The following RPL5 variants were observed in gnomAD, a reference collection of about 807,000 sequenced individuals.
RPL5 encodes ribosomal protein L5.
RPL5 carries 1 observed loss-of-function variant against 38.4 expected under a neutral mutation model. The observed-to-expected ratio is 0.03, with a 90% CI of 0.01 to 0.12. The LOEUF is 0.12. Among genes scored for constraint, RPL5 ranks in the 10% least tolerant of loss-of-function variants. RPL5 has a pLI of 1.00. For synonymous variants in RPL5, 109 were observed against 121.2 expected, an observed-to-expected ratio of 0.90 and a Z score of 0.66; for missense variants, 243 against 374.1, an observed-to-expected ratio of 0.65 and a Z score of 2.89.
rs1687118826 is a variant in RPL5, at chr1:92,836,218, T to C, written c.353T>C (p.Ile118Thr). 6.2e-7 allele frequency: 1 copy of C among 1,612,880 alleles called. No individual in the cohort carries two copies. The highest frequency in any genetic ancestry group is 1.3e-5 in the African/African-American group (1 of 75,026). The change falls in exon 5 of 8, where the codon ATC becomes ACC. Residue 118 changes from isoleucine to threonine, a missense_variant. By Grantham distance (89) the Ile-to-Thr change is moderately conservative. Coordinates refer to ENST00000370321, the MANE Select transcript of RPL5 (RefSeq NM_000969.5). The stretch of plus-strand genomic sequence containing the variant: ...CTCAATAGGTTTGGCATGGACAAGA[T>C]CTATGAAGGCCAAGTGGAGGTGACT... ...RLLNRFGMDK[I>T]YEGQVEVTGD...
chr1:92,832,146 T>C (rs1333553165), intron 1 of RPL5, 29 bp downstream of exon 1: 3 of 1,613,774 alleles, frequency 1.9e-6, no homozygotes, highest in Non-Finnish European at 2.5e-6. Flanking sequence ...CTCGGGGCTT[T>C]AGATGCATGG....
intron 4 of RPL5, 66 bp from the exon 5 acceptor site, chr1:92,836,123 TA>T: frequency 7.0e-7 from 1 of 1,432,438 alleles, no homozygotes; most frequent in South Asian, 1.2e-5. Context: ...GGTTATGACA[TA>T]AGCTATTTTA....
chr1:92,832,058 C>A lies in RPL5; in HGVS notation c.-57C>A. ...CTGTGGCCCTTTTCCCACCCCCTAG[C>A]GCCGCTGGGCCTGCAGGTCTCTGTC... On this transcript the variant is annotated 5_prime_UTR_variant, in exon 1 of 8. Coordinates refer to ENST00000370321, the MANE Select transcript of RPL5 (RefSeq NM_000969.5). The A allele has an allele frequency of 6.2e-7, 1 of 1,611,788 alleles. No homozygotes were observed. Among genetic ancestry groups the A allele is most frequent in the Admixed American group, 1.7e-5 (1 of 59,702 alleles).
chr1:92,836,150 G>A, intron 4 of RPL5, 40 bp from the exon 5 acceptor site: 1 of 1,561,722 alleles, frequency 6.4e-7, no homozygotes, highest in Non-Finnish European at 8.8e-7. Flanking sequence ...AGAGCAGTTT[G>A]AATAATTGAA....
intron 5 of RPL5, 25 bp downstream of exon 5, chr1:92,836,417 G>A: frequency 6.2e-7 from 1 of 1,602,798 alleles, no homozygotes; most frequent in East Asian, 2.2e-5. Context: ...TAAGACCTTG[G>A]TGCCTGGACC....
In RPL5 at chr1:92,833,618, C is replaced by T. The variant is rs1571024367; in HGVS notation, c.147C>T (p.Tyr49=). 2 of 1,612,352 alleles carry T rather than the reference C, an allele frequency of 1.2e-6. No individual in the cohort carries two copies. The highest frequency in any genetic ancestry group is 2.2e-5 in the East Asian group (1 of 44,878). Residue 49 remains tyrosine, a synonymous_variant, in exon 3 of 8, where the codon TAC becomes TAT. Transcript: ENST00000370321. ...AAAATAAATACAACACACCCAAATA[C>T]AGGATGATAGTTCGTGTGACAAACA... ...QDKNKYNTPK[Y]RMIVRVTNRD...
At chr1:92,837,886 GC>G (rs1687189531) in intron 6 of RPL5, 5 of 508,604 alleles carry the variant, frequency 9.8e-6, no homozygotes, top group East Asian at 7.2e-5. Context: ...GTTGTAATCT[GC>G]TTTGTTGGAT....
At chr1:92,832,984 C>T (rs752021416) in intron 1 of RPL5, 10 of 731,626 alleles carry the variant, frequency 1.4e-5, no homozygotes, top group Non-Finnish European at 1.8e-5. Context: ...TCACTGATTG[C>T]TGTCTGGAGC....
At chr1:92,836,704 A>G (rs1687145036) in intron 5 of RPL5, 2 of 297,492 alleles carry the variant, frequency 6.7e-6, no homozygotes, top group South Asian at 8.1e-5. Context: ...CTCTTTCCCC[A>G]TGCACTTTCT....
chr1:92,833,715 G>GCTTCC, intron 3 of RPL5, 55 bp downstream of exon 3: 1 of 1,401,584 alleles, frequency 7.1e-7, no homozygotes, highest in Non-Finnish European at 1.0e-6. Flanking sequence ...ATTGTGCTTG[G>GCTTCC]GAAGCAAAGC....
Position 92,833,375 on chromosome 1 carries a change from C to T in RPL5, c.4-14C>T, listed in dbSNP as rs1558283784. 6.3e-7 allele frequency: 1 copy of T among 1,597,408 alleles called. No homozygotes were observed. The highest frequency in any genetic ancestry group is 1.7e-5 in the Admixed American group (1 of 59,972). ...AAGACATCAAAGTTTTAATAACATT[C>T]TTTTTTCTTTAAGGGGTTTGTTAAA... On this transcript the variant is annotated splice_polypyrimidine_tract_variant and intron_variant, in intron 1 of 7. Coordinates refer to ENST00000370321, the MANE Select transcript of RPL5 (RefSeq NM_000969.5).
chr1:92,837,715 CTTATA>C (rs1687183728), intron 6 of RPL5, 82 bp downstream of exon 6: 18 of 1,108,456 alleles, frequency 1.6e-5, no homozygotes, highest in Non-Finnish European at 2.3e-5. Context: ...AGGTAACATT[CTTATA>C]TAGGTGTGTT....
In RPL5 at chr1:92,832,959, A is replaced by G. The variant is rs112010150; in HGVS notation, c.4-430A>G. Reference sequence around the variant, plus strand: ...AGTGGGACATAGCGTGTTCCGAACAAACCGACGTTTGGCATCACTGATTGC... The same window carrying G: ...AGTGGGACATAGCGTGTTCCGAACAGACCGACGTTTGGCATCACTGATTGC... On this transcript the variant is annotated intron_variant, in intron 1 of 7. Transcript: ENST00000370321. 4,942 of 718,396 alleles carry G rather than the reference A, an allele frequency of 6.9e-3. 167 individuals carry two copies. In the African/African-American group the frequency reaches 0.073, roughly 11 times the overall value. 44.5% of individuals were successfully genotyped at this position (718,396 alleles called of 1,614,324 possible).
At chr1:92,833,792 T>TCCTC (rs1687010467) in intron 3 of RPL5, 132 bp downstream of exon 3, 1 of 729,438 alleles carries the variant, frequency 1.4e-6, no homozygotes, top group African/African-American at 1.8e-5. Flanking sequence ...ATTTTTCCTT[T>TCCTC]TAGTAGGTCT....
rs368663464 is a variant in RPL5 at position 92,832,053 on chromosome 1, C to T, written c.-62C>T. 73 of 1,610,716 alleles carry T rather than the reference C, an allele frequency of 4.5e-5. No individual in the cohort carries two copies. Among genetic ancestry groups the T allele is most frequent in the South Asian group, 1.2e-4 (11 of 90,462 alleles). ...AAGGGCTGTGGCCCTTTTCCCACCCCCTAGCGCCGCTGGGCCTGCAGGTCT... is the reference window on the plus strand; with the variant it reads ...AAGGGCTGTGGCCCTTTTCCCACCCTCTAGCGCCGCTGGGCCTGCAGGTCT... On this transcript the variant is annotated 5_prime_UTR_variant, in exon 1 of 8. Transcript: ENST00000370321.
intron 1 of RPL5, among the ~76,000 whole-genome samples, chr1:92,832,519 C>A (rs1455918674): frequency 6.6e-6 from 1 of 152,210 alleles, no homozygotes; most frequent in Non-Finnish European, 1.5e-5. Context: ...CACTCGACCT[C>A]CGAGTACCGA....
In RPL5 at chr1:92,838,340, T is replaced by C. The variant is rs1687205365; in HGVS notation, c.705+707T>C. On this transcript the variant is annotated intron_variant, in intron 6 of 7. Coordinates refer to ENST00000370321, the MANE Select transcript of RPL5 (RefSeq NM_000969.5). ...AGGTGCATGTTAATTTTTACTGCGTTATATTTCTTTGTTACTTATGACTTC... is the reference window on the plus strand; with the variant it reads ...AGGTGCATGTTAATTTTTACTGCGTCATATTTCTTTGTTACTTATGACTTC... Among the ~76,000 whole-genome samples, 3 of 152,250 alleles carry C rather than the reference T, an allele frequency of 2.0e-5. No individual in the cohort carries two copies. In the South Asian group the frequency reaches 6.2e-4, roughly 31 times the overall value.
At chr1:92,836,500 T>C in intron 5 of RPL5, 108 bp downstream of exon 5, 1 of 974,850 alleles carries the variant, frequency 1.0e-6, no homozygotes, top group Non-Finnish European at 1.6e-6. Context: ...ATTGAATGCC[T>C]GCTGTATGCC....
In RPL5 at chr1:92,835,660, CAAA is replaced by C. The variant is rs11417383; in HGVS notation, c.325-513_325-511del. Among the ~76,000 whole-genome samples, 85 of 123,366 alleles carry C rather than the reference CAAA, an allele frequency of 6.9e-4. 1 individual carries two copies. In the East Asian group the frequency reaches 0.013, roughly 20 times the overall value. The allele number at this position is 123,366 out of a possible 152,430, so 80.9% of individuals were successfully genotyped here. On this transcript the variant is annotated intron_variant, in intron 4 of 7. Coordinates refer to ENST00000370321, the MANE Select transcript of RPL5 (RefSeq NM_000969.5). ...GGGCAACAAGAGCGAAACTGTGTCT[CAAA>C]AAAAAAAAAAAAAAAATGAGAATCT...
Sources: gnomAD v4.1 joint callset for allele counts (sites outside exome capture counted in the v4.1 genomes callset) on GRCh38, gnomAD v4.1.1 for gene constraint, MANE v1.5 for transcripts, NCBI Gene and HGNC (gene_info 2026-07-23, HGNC 2026-07-21) for gene names.